Variants in KCNIP4 observed in about 807,000 individuals in gnomAD.
KCNIP4 encodes the protein potassium voltage-gated channel interacting protein 4.
Under a neutral mutation model 34.0 loss-of-function variants are expected in KCNIP4, and 12 were observed. That is an observed-to-expected ratio of 0.35 (90% CI 0.23 to 0.57). The LOEUF is 0.57. Among genes scored for constraint, KCNIP4 ranks in the 20% least tolerant of loss-of-function variants. The pLI is 0.83. For missense variants in KCNIP4, 238 were observed against 311.7 expected, an observed-to-expected ratio of 0.76 and a Z score of 1.78; for synonymous variants, 124 against 102.2, an observed-to-expected ratio of 1.21 and a Z score of -1.29.
intron 1 of KCNIP4, among the ~76,000 whole-genome samples, chr4:21,025,307 T>C (rs1442120808): frequency 6.6e-6 from 1 of 152,082 alleles, no homozygotes; most frequent in Non-Finnish European, 1.5e-5. Flanking sequence ...TGAACCATAC[T>C]GAGTAGCTGG....
chr4:21,905,695 A>G lies in KCNIP4; in HGVS notation c.61+42876T>C, dbSNP rs142736177. 5.3e-3 allele frequency among the ~76,000 whole-genome samples: 813 copies of G among 152,184 alleles called. 5 individuals are homozygous for G. Among genetic ancestry groups the G allele is most frequent in the African/African-American group, 0.018 (752 of 41,528 alleles). ...TTTCAAAAAGCCTTCTGCCAAATCT[A>G]CCATGTGACCAGCATGTGTGCACAT... On this transcript the variant is annotated intron_variant, in intron 1 of 8. Coordinates refer to ENST00000382152, the MANE Select transcript of KCNIP4 (RefSeq NM_025221.6).
At position 21,372,950 on chromosome 4, in the gene KCNIP4, TG is replaced by T. The variant is rs1364001042; in HGVS notation, c.62-490242del. On this transcript the variant is annotated intron_variant, in intron 1 of 8. Transcript: ENST00000382152. ...ATATGAAACTTAGCTGTGCCTCATA[TG>T]GTTGTGTTGATAGGATTTAATTTAA... is the stretch of plus-strand genomic sequence containing the variant. Among the ~76,000 whole-genome samples, 5 of 145,852 alleles carry T rather than the reference TG, an allele frequency of 3.4e-5. 2 individuals are homozygous for T. The highest frequency in any genetic ancestry group is 1.4e-4 in the African/African-American group (5 of 35,842).
At chr4:21,071,398 G>A (rs901404674) in intron 1 of KCNIP4, among the ~76,000 whole-genome samples, 2 of 152,084 alleles carry the variant, frequency 1.3e-5, no homozygotes, top group Admixed American at 6.6e-5. Flanking sequence ...GACCAAAGGT[G>A]GTTGGGCAAA....
intron 1 of KCNIP4, among the ~76,000 whole-genome samples, chr4:21,528,763 GAAAGAAAGA>G (rs1736324971): frequency 2.0e-4 from 2 of 9,998 alleles, no homozygotes; most frequent in African/African-American, 4.3e-4. Context: ...AAGAAAGAAA[GAAAGAAAGA>G]AAGAAAGGAA....
chr4:21,320,897 A>G (rs1429419794), intron 1 of KCNIP4, among the ~76,000 whole-genome samples: 1 of 149,872 alleles, frequency 6.7e-6, no homozygotes, highest in African/African-American at 2.5e-5. Flanking sequence ...CTTAAACCCG[A>G]GAGGTTGCAA....
intron 1 of KCNIP4, among the ~76,000 whole-genome samples, chr4:21,553,923 T>G (rs1051716921): frequency 6.6e-6 from 1 of 152,078 alleles, no homozygotes; most frequent in Non-Finnish European, 1.5e-5. Flanking sequence ...CCAAATCACC[T>G]TCACAGGTTT....
intron 1 of KCNIP4, among the ~76,000 whole-genome samples, chr4:21,121,024 C>T (rs934698693): frequency 6.6e-6 from 1 of 152,100 alleles, no homozygotes; most frequent in African/African-American, 2.4e-5. Flanking sequence ...ACAGTTTGCC[C>T]CACTGTGTGC....
chr4:21,827,583 G>GT (rs1722747554), intron 1 of KCNIP4, among the ~76,000 whole-genome samples: 2 of 152,086 alleles, frequency 1.3e-5, no homozygotes, highest in South Asian at 4.1e-4. Flanking sequence ...GCCAAATTCT[G>GT]AAAACTATGA....
chr4:21,020,358 A>C (rs1257655222), intron 1 of KCNIP4, among the ~76,000 whole-genome samples: 1 of 152,184 alleles, frequency 6.6e-6, no homozygotes, highest in Non-Finnish European at 1.5e-5. Context: ...GCTGCTCCCC[A>C]TTCCACCAGT....
chr4:21,697,734 C>A, intron 1 of KCNIP4: 2 of 1,121,828 alleles, frequency 1.8e-6, no homozygotes, highest in East Asian at 5.0e-5. Context: ...TGTAGTAACC[C>A]AGCTCTGGTT....
In KCNIP4 at chr4:21,192,321, T is replaced by C. The variant is rs552253625; in HGVS notation, c.62-309612A>G. On this transcript the variant is annotated intron_variant, in intron 1 of 8. Coordinates refer to ENST00000382152, the MANE Select transcript of KCNIP4 (RefSeq NM_025221.6). ...CTCCATTTAAGGTATGGATTAATTA[T>C]AAATGATATCCTGGTTTAGAAACAT... Among the ~76,000 whole-genome samples, 4 of 152,346 alleles carry C rather than the reference T, an allele frequency of 2.6e-5. No individual in the cohort carries two copies. In the East Asian group the frequency reaches 7.7e-4, roughly 29 times the overall value.
intron 1 of KCNIP4, among the ~76,000 whole-genome samples, chr4:20,955,508 T>C (rs1189690263): frequency 6.6e-6 from 1 of 152,162 alleles, no homozygotes; most frequent in East Asian, 1.9e-4. Flanking sequence ...ATCTGTCAAA[T>C]GAAGGGATTG....
chr4:21,077,955 T>C (rs545663393), intron 1 of KCNIP4, among the ~76,000 whole-genome samples: 1 of 152,144 alleles, frequency 6.6e-6, no homozygotes, highest in South Asian at 2.1e-4. Context: ...ATATCTAAAT[T>C]AGAAGATTTT....
At chr4:20,845,060 T>A (rs567037937) in intron 3 of KCNIP4, among the ~76,000 whole-genome samples, 1 of 152,284 alleles carries the variant, frequency 6.6e-6, no homozygotes, top group East Asian at 1.9e-4. Context: ...CAAGCTCCAC[T>A]GTGATGGATA....
chr4:21,311,220 A>C (rs1216388093), intron 1 of KCNIP4, among the ~76,000 whole-genome samples: 1 of 152,202 alleles, frequency 6.6e-6, no homozygotes, highest in Non-Finnish European at 1.5e-5. Context: ...TAACAAACTC[A>C]ATGAACCAAG....
intron 1 of KCNIP4, among the ~76,000 whole-genome samples, chr4:21,630,769 T>C (rs1400944650): frequency 6.6e-6 from 1 of 152,198 alleles, no homozygotes; most frequent in Admixed American, 6.5e-5. Flanking sequence ...TGAACAGTTG[T>C]TTCCTTAATA....
At chr4:21,326,347 G>T (rs1305392118) in intron 1 of KCNIP4, among the ~76,000 whole-genome samples, 1 of 151,086 alleles carries the variant, frequency 6.6e-6, no homozygotes, top group Non-Finnish European at 1.5e-5. Flanking sequence ...TTGCTGAATT[G>T]ATCTCTTTAT....
chr4:21,061,583 G>A (rs558254493), intron 1 of KCNIP4, among the ~76,000 whole-genome samples: 1 of 152,090 alleles, frequency 6.6e-6, no homozygotes, highest in East Asian at 1.9e-4. Flanking sequence ...ACATAACAGA[G>A]GCTTTTAATC....
At position 20,729,516 on chromosome 4, in the gene KCNIP4, G is replaced by GATA. The variant is rs1419657212; in HGVS notation, c.*563_*565dup. 8.1e-6 allele frequency: 1 copy of GATA among 123,272 alleles called. No homozygotes were observed. The highest frequency in any genetic ancestry group is 1.9e-5 in the Non-Finnish European group (1 of 53,498). 7.6% of individuals were successfully genotyped at this position (123,272 alleles called of 1,614,324 possible). On this transcript the variant is annotated 3_prime_UTR_variant, in exon 9 of 9. Transcript: ENST00000382152. Reference sequence around the variant, plus strand: ...AATTTTTAAATGTTTAAAAATGCCAGATAAAACTAATTTCTAACAGAAGGT... The same window carrying GATA: ...AATTTTTAAATGTTTAAAAATGCCAGATAATAAAACTAATTTCTAACAGAAGGT...
Sources: allele counts gnomAD v4.1 joint callset (sites outside exome capture counted in the v4.1 genomes callset), GRCh38; gene constraint gnomAD v4.1.1; transcripts MANE v1.5; gene names NCBI Gene and HGNC (gene_info 2026-07-23, HGNC 2026-07-21).